The following CDIN1 variants were observed in gnomAD, a reference collection of about 807,000 sequenced individuals.
CDIN1 encodes CDAN1 interacting nuclease 1, also known as CDAN1-interacting nuclease 1.
In CDIN1, 33 loss-of-function variants were observed where a neutral mutation model predicts 45.3. The ratio of observed to expected loss-of-function variants is 0.73; its 90% CI spans 0.55 to 0.97. CDIN1 has a LOEUF of 0.97. Among genes scored for constraint, CDIN1 ranks in the 50% least tolerant of loss-of-function variants. The pLI, the probability that CDIN1 is intolerant of heterozygous loss-of-function variation, is 0.00. For synonymous variants in CDIN1, 118 were observed against 124.4 expected (o/e 0.95, Z 0.34); for missense variants, 303 against 339.4 (o/e 0.89, Z 0.84).
chr15:36,790,072 CG>C (rs1347311498), intron 10 of CDIN1: 1 of 152,260 alleles, frequency 6.6e-6, no homozygotes, highest in Non-Finnish European at 1.5e-5. Context: ...CTGTGGAAAT[CG>C]TGGTGGTAAA....
chr15:36,748,084 C>T (rs1248316254), intron 10 of CDIN1, among the ~76,000 whole-genome samples: 5 of 152,154 alleles, frequency 3.3e-5, no homozygotes, highest in Non-Finnish European at 7.3e-5. Context: ...CTCATTTGGT[C>T]TCTCATTTGT....
rs993797195 is a variant in CDIN1, at chr15:36,618,771, A to G, written c.102-25507A>G. 6.6e-5 allele frequency: 51 copies of G among 776,882 alleles called. 1 individual carries two copies. In the African/African-American group the frequency reaches 6.7e-4, roughly 10 times the overall value. The allele number at this position is 776,882 out of a possible 1,614,324, so 48.1% of individuals were successfully genotyped here. Reference sequence around the variant, plus strand: ...TAAGCACAACTCAGCCAAAAAAAAAAAAAAAAAAAGGATCTAATAGAGGAT... The same window carrying G: ...TAAGCACAACTCAGCCAAAAAAAAAGAAAAAAAAAGGATCTAATAGAGGAT... On this transcript the variant is annotated intron_variant, in intron 1 of 10. Transcript: ENST00000566621.
At position 36,697,310 on chromosome 15, in the gene CDIN1, T is replaced by G. The variant is rs755428859; in HGVS notation, c.477-13T>G. On this transcript the variant is annotated splice_polypyrimidine_tract_variant and intron_variant, in intron 7 of 10. Transcript: ENST00000566621. ...ATTCTGCCTGTGTTACCCCCTTAAC[T>G]GAAACTTCCCAGTGCCATTGGTCAT... 1.2e-6 allele frequency: 2 copies of G among 1,612,348 alleles called. No individual in the cohort carries two copies. The highest frequency in any genetic ancestry group is 2.2e-5 in the South Asian group (2 of 90,824).
chr15:36,749,744 C>T (rs1035825162), intron 10 of CDIN1, among the ~76,000 whole-genome samples: 2 of 152,174 alleles, frequency 1.3e-5, no homozygotes, highest in Non-Finnish European at 2.9e-5. Flanking sequence ...AGAGAGGTGG[C>T]CTACCTGTCC....
chr15:36,626,103 G>A (rs965015248), intron 1 of CDIN1, among the ~76,000 whole-genome samples: 1 of 151,100 alleles, frequency 6.6e-6, no homozygotes, highest in Non-Finnish European at 1.5e-5. Context: ...AGATATGTAT[G>A]TTAAAATTGC....
At chr15:36,657,288 A>G (rs1566873181) in intron 4 of CDIN1, among the ~76,000 whole-genome samples, 1 of 152,134 alleles carries the variant, frequency 6.6e-6, no homozygotes, top group Non-Finnish European at 1.5e-5. Context: ...TTTATCAAAT[A>G]AAATATTTTA....
chr15:36,663,686 C>T (rs1040853197), intron 5 of CDIN1, among the ~76,000 whole-genome samples: 4 of 152,146 alleles, frequency 2.6e-5, no homozygotes, highest in Admixed American at 2.6e-4. Flanking sequence ...TAGCACTTTC[C>T]TATAACTCCA....
intron 10 of CDIN1, among the ~76,000 whole-genome samples, chr15:36,767,292 T>C (rs541317159): frequency 1.3e-5 from 2 of 152,344 alleles, no homozygotes; most frequent in East Asian, 3.9e-4. Flanking sequence ...GTCTGTTCTC[T>C]GTTCCCTATG....
At chr15:36,769,470 C>T (rs2381894) in intron 10 of CDIN1, among the ~76,000 whole-genome samples, 127,326 of 152,150 alleles carry the variant, frequency 0.84, 54,743 homozygotes, top group East Asian at 0.95. Flanking sequence ...GGCCTTCAAC[C>T]GTTGGATGAA....
intron 10 of CDIN1, among the ~76,000 whole-genome samples, chr15:36,784,671 A>G (rs766150579): frequency 2.6e-5 from 4 of 152,206 alleles, no homozygotes; most frequent in Non-Finnish European, 5.9e-5. Context: ...GTTGGATCTC[A>G]TATTAAATAA....
intron 1 of CDIN1, among the ~76,000 whole-genome samples, chr15:36,588,031 G>C (rs1017659979): frequency 6.6e-6 from 1 of 152,188 alleles, no homozygotes; most frequent in African/African-American, 2.4e-5. Flanking sequence ...ATCTACAGTA[G>C]AAGAAATGTC....
chr15:36,725,052 T>TG (rs1342620211), intron 10 of CDIN1, among the ~76,000 whole-genome samples: 6 of 152,146 alleles, frequency 3.9e-5, no homozygotes, highest in African/African-American at 1.2e-4. Flanking sequence ...CATAAAGAAC[T>TG]GAAAGGTCAT....
chr15:36,616,664 T>C (rs2038906480), intron 1 of CDIN1, among the ~76,000 whole-genome samples: 1 of 151,972 alleles, frequency 6.6e-6, no homozygotes, highest in Admixed American at 6.6e-5. Context: ...CCTATAATCC[T>C]AACACTTTGG....
chr15:36,666,875 A>T (rs1478976868), intron 5 of CDIN1, among the ~76,000 whole-genome samples: 1 of 152,228 alleles, frequency 6.6e-6, no homozygotes, highest in East Asian at 1.9e-4. Flanking sequence ...TGCACATATT[A>T]TATACCAGGT....
intron 10 of CDIN1, among the ~76,000 whole-genome samples, chr15:36,777,326 A>G (rs184348464): frequency 2.0e-5 from 3 of 151,506 alleles, no homozygotes; most frequent in South Asian, 4.2e-4. Context: ...CACACACCCT[A>G]CCAAACTCAC....
intron 1 of CDIN1, among the ~76,000 whole-genome samples, chr15:36,622,063 G>C (rs2039221385): frequency 6.6e-6 from 1 of 152,152 alleles, no homozygotes; most frequent in Non-Finnish European, 1.5e-5. Context: ...TAAGTGGTTA[G>C]AATTTTATGT....
At chr15:36,618,916 A>C in intron 1 of CDIN1, 24 of 1,377,748 alleles carry the variant, frequency 1.7e-5, no homozygotes, top group Non-Finnish European at 2.2e-5. Context: ...ATGTAGCTAC[A>C]CCGTGACTCT....
intron 7 of CDIN1, among the ~76,000 whole-genome samples, chr15:36,693,636 A>G (rs2042325002): frequency 6.6e-6 from 1 of 152,222 alleles, no homozygotes; most frequent in African/African-American, 2.4e-5. Flanking sequence ...CTAATTATGT[A>G]TGCACGGACT....
chr15:36,693,197 A>G (rs2042312464), intron 7 of CDIN1, among the ~76,000 whole-genome samples: 1 of 152,188 alleles, frequency 6.6e-6, no homozygotes, highest in African/African-American at 2.4e-5. Context: ...AATCATGCCT[A>G]TATAAGTAAA....
Sources: gnomAD v4.1 joint callset for allele counts (sites outside exome capture counted in the v4.1 genomes callset) on GRCh38, gnomAD v4.1.1 for gene constraint, MANE v1.5 for transcripts, NCBI Gene and HGNC (gene_info 2026-07-23, HGNC 2026-07-21) for gene names.